TSPAN14: variants seen among roughly 807,000 people sequenced by gnomAD.
TSPAN14 encodes the protein tetraspanin-14.
A neutral mutation model predicts 36.6 loss-of-function variants in TSPAN14; 16 were observed. The observed-to-expected ratio is 0.44, with a 90% CI of 0.30 to 0.66. The LOEUF (loss-of-function observed/expected upper bound fraction) is 0.66. Among genes scored for constraint, TSPAN14 ranks in the 30% least tolerant of loss-of-function variants. The pLI is 0.12. For synonymous variants in TSPAN14, 139 were observed against 143.8 expected (o/e 0.97, Z 0.24); for missense variants, 231 against 355.1 (o/e 0.65, Z 2.81).
exon 9 of TSPAN14, chr10:80,518,868 C>G (rs1273917260): frequency 2.0e-5 from 3 of 152,876 alleles, no homozygotes; most frequent in Non-Finnish European, 4.4e-5. Flanking sequence ...TGGAGCCGAC[C>G]CTTTGAGTCC....
chr10:80,506,019 C>T (rs932214367), intron 3 of TSPAN14, among the ~76,000 whole-genome samples: 1 of 152,214 alleles, frequency 6.6e-6, no homozygotes, highest in African/African-American at 2.4e-5. Context: ...TTGCCCAGGC[C>T]GGAGCGCAGT....
At chr10:80,477,016 C>T (rs941653017) in intron 1 of TSPAN14, among the ~76,000 whole-genome samples, 1 of 152,234 alleles carries the variant, frequency 6.6e-6, no homozygotes, top group African/African-American at 2.4e-5. Flanking sequence ...ACATGTAGAA[C>T]TGAGTCCTTG....
At chr10:80,516,390 A>G (rs1840943702) in intron 8 of TSPAN14, 67 bp downstream of exon 8, 1 of 1,608,386 alleles carries the variant, frequency 6.2e-7, no homozygotes, top group South Asian at 1.1e-5. Flanking sequence ...CCCTTAACAT[A>G]GAGTGCATGG....
At position 80,503,018 on chromosome 10, in the gene TSPAN14, T is replaced by G. The variant is rs142118160; in HGVS notation, c.82-1710T>G. ...GTGGAATGGTTGGAGGAGGAGAGAA[T>G]GACCAGCTGTGACCAATGAGGTCAG... On this transcript the variant is annotated intron_variant, in intron 2 of 8. Transcript: ENST00000429989. 1.3e-3 allele frequency among the ~76,000 whole-genome samples: 204 copies of G among 151,922 alleles called. 1 individual carries two copies. Among genetic ancestry groups the G allele is most frequent in the African/African-American group, 4.7e-3 (194 of 41,408 alleles).
rs1840646503 is a variant in TSPAN14 at position 80,511,725 on chromosome 10, TCTCTCTCTCTC to T, written c.451-418_451-408del. 3.1e-5 allele frequency among the ~76,000 whole-genome samples: 3 copies of T among 97,258 alleles called. No individual in the cohort carries two copies. The East Asian group carries it at 7.0e-4, about 23-fold the overall frequency. The allele number at this position is 97,258 out of a possible 152,430, so 63.8% of individuals were successfully genotyped here. A position where few individuals can be genotyped will look rare whatever the true frequency, so the allele number is the denominator to read the frequency against. Reference sequence around the variant, plus strand: ...AAAGGGCAGGTCCTCTCTCTCTCTCTCTCTCTCTCTCTCTCTCTCTCTCTCTCTCTCTCTCT... The same window carrying T: ...AAAGGGCAGGTCCTCTCTCTCTCTCTTCTCTCTCTCTCTCTCTCTCTCTCT... On this transcript the variant is annotated intron_variant, in intron 5 of 8. Coordinates refer to ENST00000429989, the Ensembl canonical transcript of TSPAN14.
At chr10:80,514,439 TC>T (rs1225755418) in intron 7 of TSPAN14, among the ~76,000 whole-genome samples, 1 of 152,146 alleles carries the variant, frequency 6.6e-6, no homozygotes, top group African/African-American at 2.4e-5. Context: ...TGTTCTGGCC[TC>T]CGTGTGGAGG....
chr10:80,514,104 T>C, intron 7 of TSPAN14, 41 bp downstream of exon 7: 2 of 1,561,998 alleles, frequency 1.3e-6, no homozygotes, highest in Non-Finnish European at 1.8e-6. Flanking sequence ...GTTCTTTAGG[T>C]TTTATTCCCT....
chr10:80,517,585 G>A (rs12264252), intron 8 of TSPAN14, among the ~76,000 whole-genome samples: 27,039 of 152,278 alleles, frequency 0.18, 2,892 homozygotes, highest in South Asian at 0.37. Flanking sequence ...TTAACCCAGG[G>A]ACAGGCGTGT....
At chr10:80,495,677 GGT>G (rs1174490807) in intron 2 of TSPAN14, among the ~76,000 whole-genome samples, 1 of 152,122 alleles carries the variant, frequency 6.6e-6, no homozygotes, top group East Asian at 1.9e-4. Flanking sequence ...CTCCTTGGCT[GGT>G]AAATAATCAG....
intron 1 of TSPAN14, among the ~76,000 whole-genome samples, chr10:80,463,782 G>A (rs190127037): frequency 3.3e-5 from 5 of 152,340 alleles, no homozygotes; most frequent in South Asian, 2.1e-4. Flanking sequence ...AGAAACATGC[G>A]GCTTTGATTC....
At chr10:80,520,853 CCTCTGCTT>C (rs753188850) in exon 9 of TSPAN14, 9 of 530,196 alleles carry the variant, frequency 1.7e-5, no homozygotes, top group Non-Finnish European at 3.5e-5. Context: ...TCCTGAATGT[CCTCTGCTT>C]CTCTGCTTCA....
chr10:80,467,167 G>T (rs1179693871), intron 1 of TSPAN14, among the ~76,000 whole-genome samples: 1 of 151,982 alleles, frequency 6.6e-6, no homozygotes, highest in Admixed American at 6.6e-5. Context: ...TATTAATGAT[G>T]GTCAGTTTTT....
chr10:80,499,558 C>T (rs900509423), intron 2 of TSPAN14, among the ~76,000 whole-genome samples: 4 of 152,150 alleles, frequency 2.6e-5, no homozygotes, highest in Admixed American at 1.3e-4. Flanking sequence ...AAGGCAGCTG[C>T]TCTGTGGGTG....
intron 7 of TSPAN14, chr10:80,515,994 G>A (rs1265755910): frequency 1.6e-6 from 1 of 640,338 alleles, no homozygotes; most frequent in Admixed American, 3.0e-5. Flanking sequence ...GGAGCCTTTG[G>A]TCAGACAGGT....
At chr10:80,489,933 C>T (rs1211856209) in intron 2 of TSPAN14, among the ~76,000 whole-genome samples, 1 of 152,088 alleles carries the variant, frequency 6.6e-6, no homozygotes, top group African/African-American at 2.4e-5. Flanking sequence ...TGCAAAGGGC[C>T]TGAGGCAGGA....
At position 80,509,322 on chromosome 10, in the gene TSPAN14, ATCT is replaced by A; in HGVS notation, c.307_309del (p.Phe103del). 1.2e-6 allele frequency: 2 copies of A among 1,613,918 alleles called. No homozygotes were observed. The highest frequency in any genetic ancestry group is 1.7e-6 in the Non-Finnish European group (2 of 1,179,982). ...GCAGTTCTGTGGCACCATCGTGCTC[ATCT>A]TCTTCCTGGAGCTGGCTGTGGCCGT... On this transcript the variant is annotated inframe_deletion, in exon 5 of 9. Transcript: ENST00000429989. This position sits in a 1 kb window ranked among gnomAD's most constrained non-coding sequence, Gnocchi z 4.7.
At position 80,507,257 on chromosome 10, in the gene TSPAN14, C is replaced by G. The variant is rs984212744; in HGVS notation, c.162C>G (p.Thr54=). ...TGCTGTCCGACCTCACCAAAGTGAC[C>G]CGGATGCATGGAATCGACCCTGTGG... is the stretch of plus-strand genomic sequence containing the variant. Residue 54 remains threonine (T), a synonymous_variant, in exon 4 of 9, where the codon ACC becomes ACG. Transcript: ENST00000429989. 1.9e-5 allele frequency: 31 copies of G among 1,614,058 alleles called. No individual in the cohort carries two copies. In the East Asian group the frequency reaches 4.5e-4, roughly 23 times the overall value.
rs1840469637 is a variant in TSPAN14, at chr10:80,509,231, G to A, written c.280-70G>A. The A allele has an allele frequency of 2.0e-6, 3 of 1,528,098 alleles. No homozygotes were observed. In the East Asian group the frequency reaches 6.8e-5, roughly 34 times the overall value. The allele number at this position is 1,528,098 out of a possible 1,614,324, so 94.7% of individuals were successfully genotyped here. ...GCTGAGGATGGTGGTTCTGGGTCAG[G>A]TGGGGTTATGTGTGTGGGGGTGCAG... is the stretch of plus-strand genomic sequence containing the variant. On this transcript the variant is annotated intron_variant, in intron 4 of 8. Coordinates refer to ENST00000429989, the Ensembl canonical transcript of TSPAN14. This position sits in a 1 kb window ranked among gnomAD's most constrained non-coding sequence, Gnocchi z 4.7.
At chr10:80,461,997 T>C (rs1349641458) in intron 1 of TSPAN14, among the ~76,000 whole-genome samples, 1 of 151,756 alleles carries the variant, frequency 6.6e-6, no homozygotes, top group Non-Finnish European at 1.5e-5. Flanking sequence ...CACTGAGGCC[T>C]CCACCTTCCT....
Sources: allele counts gnomAD v4.1 joint callset (sites outside exome capture counted in the v4.1 genomes callset), GRCh38; gene constraint gnomAD v4.1.1; non-coding constraint Gnocchi (gnomAD v3.1); transcripts MANE v1.5; gene names NCBI Gene and HGNC (gene_info 2026-07-23, HGNC 2026-07-21).